CYP39A1: variants seen among roughly 807,000 people sequenced by gnomAD.
The protein encoded by CYP39A1 is cytochrome P450 family 39 subfamily A member 1, also known as 24-hydroxycholesterol 7-alpha-hydroxylase.
CYP39A1 carries 49 observed loss-of-function variants against 58.1 expected under a neutral mutation model. The observed-to-expected ratio is 0.84, with a 90% CI of 0.67 to 1.07. The LOEUF is 1.07. Ranked by LOEUF, CYP39A1 falls within the 50% of genes least tolerant of loss-of-function variation. CYP39A1 has a pLI of 0.00. For synonymous variants in CYP39A1, 209 were observed against 187.6 expected, an observed-to-expected ratio of 1.11 and a Z score of -0.93; for missense variants, 531 against 539.4, an observed-to-expected ratio of 0.98 and a Z score of 0.16.
chr6:46,585,561 G>A lies in CYP39A1; in HGVS notation c.1250+1516C>T, dbSNP rs141990814. Among the ~76,000 whole-genome samples, 469 of 152,150 alleles carry A rather than the reference G, an allele frequency of 3.1e-3. 2 individuals carry two copies. The highest frequency in any genetic ancestry group is 4.9e-3 in the Non-Finnish European group (333 of 67,986). On this transcript the variant is annotated intron_variant, in intron 10 of 11. Transcript: ENST00000275016. ...AGCATGATGGGTTTTTGTTGCTAAT[G>A]TTGTTGTGTGTTATATGATGTCCCT... is the stretch of plus-strand genomic sequence containing the variant.
rs745311320 is a variant in CYP39A1, at chr6:46,553,786, A to G, written c.1319T>C (p.Leu440Pro). ...ACTTACCTGTTTGGGTAATGGGTCC[A>G]GAAGACTACAGTCATATTTATAAAG... Reference protein sequence around the residue: ...LILYKYDCSLLDPLPKQSYLH... With the variant: ...LILYKYDCSLPDPLPKQSYLH... The change falls in exon 11 of 12, where the codon CTG becomes CCG. Residue 440 changes from leucine to proline, a missense_variant. Transcript: ENST00000275016. The G allele has an allele frequency of 6.2e-7, 1 of 1,610,406 alleles. No individual in the cohort carries two copies. The highest frequency in any genetic ancestry group is 1.7e-5 in the Admixed American group (1 of 59,940).
chr6:46,584,759 C>T (rs1404970946), intron 10 of CYP39A1, among the ~76,000 whole-genome samples: 1 of 152,064 alleles, frequency 6.6e-6, no homozygotes, highest in East Asian at 1.9e-4. Context: ...GCTTAGTAAC[C>T]CTTTGCTCAT....
intron 6 of CYP39A1, among the ~76,000 whole-genome samples, chr6:46,630,653 T>C (rs576293541): frequency 1.7e-3 from 264 of 152,274 alleles, no homozygotes; most frequent in Non-Finnish European, 2.8e-3. Flanking sequence ...TTGGTAGACA[T>C]ACAAAAAGTG....
intron 6 of CYP39A1, 53 bp downstream of exon 6, chr6:46,630,910 A>G (rs574977397): frequency 1.6e-6 from 2 of 1,264,640 alleles, no homozygotes; most frequent in Non-Finnish European, 2.3e-6. Context: ...AAGGAAAAAA[A>G]GATGAAAGGA....
At chr6:46,590,787 A>G (rs1772784632) in intron 8 of CYP39A1, among the ~76,000 whole-genome samples, 1 of 152,154 alleles carries the variant, frequency 6.6e-6, no homozygotes, top group Non-Finnish European at 1.5e-5. Flanking sequence ...GATCCTCCTG[A>G]ATAACCAATT....
chr6:46,638,857 C>T (rs909891104), intron 3 of CYP39A1, among the ~76,000 whole-genome samples: 4 of 152,150 alleles, frequency 2.6e-5, no homozygotes, highest in Admixed American at 1.3e-4. Flanking sequence ...TCTCTTTATG[C>T]ATGTGGGAAA....
chr6:46,555,582 C>A (rs999417670), intron 10 of CYP39A1, among the ~76,000 whole-genome samples: 1 of 152,170 alleles, frequency 6.6e-6, no homozygotes, highest in African/African-American at 2.4e-5. Flanking sequence ...TAACTAATGC[C>A]TTTATCCTAC....
intron 7 of CYP39A1, among the ~76,000 whole-genome samples, chr6:46,610,839 C>T (rs1357714758): frequency 6.6e-6 from 1 of 152,118 alleles, no homozygotes; most frequent in African/African-American, 2.4e-5. Context: ...TTAAAACATA[C>T]ATATTTTAAA....
At chr6:46,573,380 G>C (rs1428836933) in intron 10 of CYP39A1, among the ~76,000 whole-genome samples, 1 of 152,196 alleles carries the variant, frequency 6.6e-6, no homozygotes, top group East Asian at 1.9e-4. Context: ...TCCATCAGCT[G>C]TAATCAATAT....
At chr6:46,551,500 A>G (rs115031362) in intron 11 of CYP39A1, among the ~76,000 whole-genome samples, 25 of 152,328 alleles carry the variant, frequency 1.6e-4, no homozygotes, top group African/African-American at 6.0e-4. Context: ...CACTGCTAGC[A>G]TCAGGACACT....
intron 10 of CYP39A1, among the ~76,000 whole-genome samples, chr6:46,557,131 A>G (rs929121086): frequency 4.6e-5 from 7 of 152,098 alleles, no homozygotes; most frequent in Non-Finnish European, 8.8e-5. Context: ...AATTAACATA[A>G]CAAAGAAAAA....
intron 10 of CYP39A1, among the ~76,000 whole-genome samples, chr6:46,563,296 T>C (rs1561951829): frequency 1.3e-5 from 2 of 152,194 alleles, no homozygotes; most frequent in Non-Finnish European, 2.9e-5. Context: ...AGCTAAGCTA[T>C]GTTCAGGTAA....
At chr6:46,582,477 T>C (rs1419259081) in intron 10 of CYP39A1, among the ~76,000 whole-genome samples, 1 of 152,178 alleles carries the variant, frequency 6.6e-6, no homozygotes, top group East Asian at 1.9e-4. Context: ...AGGTATATTA[T>C]ATTCCTATAA....
At chr6:46,583,383 C>T (rs1772260996) in intron 10 of CYP39A1, 1 of 985,214 alleles carries the variant, frequency 1.0e-6, no homozygotes, top group Non-Finnish European at 1.2e-6. Flanking sequence ...GTATAGCAAG[C>T]ACATCCCTAA....
At chr6:46,623,014 A>G (rs1307580064) in intron 7 of CYP39A1, among the ~76,000 whole-genome samples, 2 of 152,204 alleles carry the variant, frequency 1.3e-5, no homozygotes, top group Non-Finnish European at 1.5e-5. Flanking sequence ...AAGTGCCTAG[A>G]AGTGAGTGTT....
intron 7 of CYP39A1, among the ~76,000 whole-genome samples, chr6:46,623,960 A>T (rs187388277): frequency 6.6e-6 from 1 of 152,166 alleles, no homozygotes; most frequent in Non-Finnish European, 1.5e-5. Flanking sequence ...TAGCTGTTGC[A>T]GTGGTAGTAC....
chr6:46,577,420 A>G (rs564191173), intron 10 of CYP39A1, among the ~76,000 whole-genome samples: 5 of 152,290 alleles, frequency 3.3e-5, no homozygotes, highest in African/African-American at 1.2e-4. Context: ...TCAAATCTTC[A>G]CATACTGATA....
chr6:46,571,648 A>G (rs1350667542), intron 10 of CYP39A1, among the ~76,000 whole-genome samples: 1 of 149,092 alleles, frequency 6.7e-6, no homozygotes, highest in African/African-American at 2.5e-5. Context: ...ATAGCTGGGT[A>G]TTGTTTTTGT....
Position 46,588,071 on chromosome 6 carries a change from T to C in CYP39A1, c.1124A>G (p.Asn375Ser), listed in dbSNP as rs762198816. The C allele has an allele frequency of 1.9e-6, 3 of 1,594,600 alleles. No homozygotes were observed. The East Asian group carries it at 6.9e-5, about 37-fold the overall frequency. The change falls in exon 9 of 12, where the codon AAT becomes AGT. Residue 375 changes from asparagine (N) to serine (S), a missense_variant. Coordinates refer to ENST00000275016, the MANE Select transcript of CYP39A1 (RefSeq NM_016593.5). ...LMLSPFWLHRNPKYFPEPELF... is the reference protein window; with the variant it reads ...LMLSPFWLHRSPKYFPEPELF... ...TTCAGGCTCAGGAAAATACTTTGGATTTCTATGCAGCCAAAATGGAGACAA... is the reference window on the plus strand; with the variant it reads ...TTCAGGCTCAGGAAAATACTTTGGACTTCTATGCAGCCAAAATGGAGACAA...
Sources: gnomAD v4.1 joint callset for allele counts (sites outside exome capture counted in the v4.1 genomes callset) on GRCh38, gnomAD v4.1.1 for gene constraint, MANE v1.5 for transcripts, NCBI Gene and HGNC (gene_info 2026-07-23, HGNC 2026-07-21) for gene names.